Variants in KDM4C observed in about 807,000 individuals in gnomAD.
KDM4C encodes the protein lysine-specific demethylase 4C.
KDM4C carries 81 observed loss-of-function variants against 129.3 expected under a neutral mutation model. The observed-to-expected ratio is 0.63, with a 90% CI of 0.52 to 0.75. The LOEUF is 0.75. Ranked by LOEUF, KDM4C falls within the 30% of genes least tolerant of loss-of-function variation. The pLI is 0.00. For synonymous variants in KDM4C, 573 were observed against 456.1 expected, an observed-to-expected ratio of 1.26 and a Z score of -3.26; for missense variants, 1,457 against 1,304.0, an observed-to-expected ratio of 1.12 and a Z score of -1.81.
intron 17 of KDM4C, among the ~76,000 whole-genome samples, chr9:7,102,098 TTG>T (rs1185986387): frequency 6.6e-6 from 1 of 152,156 alleles, no homozygotes; most frequent in Non-Finnish European, 1.5e-5. Flanking sequence ...TTCTGTGTAT[TTG>T]TGTGTGTATA....
chr9:6,881,827 G>C (rs1844501946), intron 6 of KDM4C, among the ~76,000 whole-genome samples: 1 of 152,176 alleles, frequency 6.6e-6, no homozygotes, highest in African/African-American at 2.4e-5. Context: ...CTGATGACCA[G>C]ATGCCAGCCA....
intron 8 of KDM4C, among the ~76,000 whole-genome samples, chr9:6,926,557 T>C (rs1368382289): frequency 6.6e-6 from 1 of 152,218 alleles, no homozygotes; most frequent in Non-Finnish European, 1.5e-5. Flanking sequence ...TCAGTGAGAA[T>C]CCGCTCTTTC....
chr9:6,736,525 C>T (rs1290070365), intron 1 of KDM4C, among the ~76,000 whole-genome samples: 1 of 152,120 alleles, frequency 6.6e-6, no homozygotes, highest in Non-Finnish European at 1.5e-5. Context: ...ACAGCTCAGG[C>T]TGTTCCTTCA....
chr9:6,891,413 A>G (rs573593353), intron 7 of KDM4C, among the ~76,000 whole-genome samples: 8 of 152,350 alleles, frequency 5.3e-5, no homozygotes, highest in African/African-American at 1.9e-4. Flanking sequence ...GTAACAAAAG[A>G]TCATACTTTA....
intron 5 of KDM4C, among the ~76,000 whole-genome samples, chr9:6,862,346 T>C (rs544847791): frequency 6.6e-6 from 1 of 152,234 alleles, no homozygotes; most frequent in Non-Finnish European, 1.5e-5. Context: ...TTTGACCATT[T>C]ACTGTTTATT....
At chr9:6,882,855 A>G (rs1844685911) in intron 6 of KDM4C, among the ~76,000 whole-genome samples, 1 of 151,064 alleles carries the variant, frequency 6.6e-6, no homozygotes. Flanking sequence ...ATGGCTAGTA[A>G]TCTTGATTTT....
intron 4 of KDM4C, among the ~76,000 whole-genome samples, chr9:6,846,127 C>G (rs1159475623): frequency 6.6e-6 from 1 of 152,150 alleles, no homozygotes; most frequent in Admixed American, 6.6e-5. Context: ...GCTCCTGAAC[C>G]TCAGATCTTT....
intron 8 of KDM4C, 113 bp downstream of exon 8, chr9:6,893,345 G>A: frequency 1.3e-6 from 1 of 746,818 alleles, no homozygotes; most frequent in Non-Finnish European, 2.1e-6. Flanking sequence ...GGCGCCATGT[G>A]CCTCTCACCA....
intron 1 of KDM4C, among the ~76,000 whole-genome samples, chr9:6,722,935 A>C (rs1164914605): frequency 6.6e-6 from 1 of 151,908 alleles, no homozygotes; most frequent in East Asian, 1.9e-4. Flanking sequence ...GTGAGTCGAA[A>C]TCGCACGACT....
intron 8 of KDM4C, among the ~76,000 whole-genome samples, chr9:6,919,952 G>A (rs1381853049): frequency 6.6e-6 from 1 of 152,136 alleles, no homozygotes; most frequent in African/African-American, 2.4e-5. Context: ...TTTTGTCAAA[G>A]TCAGTGGTCA....
chr9:7,049,038 A>G, intron 16 of KDM4C, 54 bp from the exon 17 acceptor site: 1 of 1,156,930 alleles, frequency 8.6e-7, no homozygotes, highest in Non-Finnish European at 1.3e-6. Context: ...CACCAAGTTG[A>G]AGTATGTAAG....
intron 19 of KDM4C, among the ~76,000 whole-genome samples, chr9:7,155,314 T>C (rs1241532072): frequency 6.6e-6 from 1 of 152,232 alleles, no homozygotes; most frequent in African/African-American, 2.4e-5. Flanking sequence ...CCTTCATTTT[T>C]AGACCTTTTG....
At chr9:7,084,223 A>G (rs1478644825) in intron 17 of KDM4C, among the ~76,000 whole-genome samples, 1 of 152,202 alleles carries the variant, frequency 6.6e-6, no homozygotes, top group Non-Finnish European at 1.5e-5. Context: ...CGGAGCCACT[A>G]CATGGTGCCA....
At chr9:6,781,213 G>A (rs1019879330) in intron 1 of KDM4C, among the ~76,000 whole-genome samples, 5 of 152,094 alleles carry the variant, frequency 3.3e-5, no homozygotes, top group African/African-American at 4.8e-5. Context: ...CAAGGGCCAA[G>A]GTATAGTTGA....
chr9:7,048,486 C>T (rs1829720007), intron 16 of KDM4C, among the ~76,000 whole-genome samples: 1 of 151,976 alleles, frequency 6.6e-6, no homozygotes, highest in African/African-American at 2.4e-5. Context: ...GGAAAGTTGT[C>T]ATTTTTCAGA....
At chr9:7,047,229 T>C (rs566619949) in intron 16 of KDM4C, among the ~76,000 whole-genome samples, 2 of 152,228 alleles carry the variant, frequency 1.3e-5, no homozygotes, top group East Asian at 1.9e-4. Flanking sequence ...TCCTGGTGTT[T>C]AATATGATGA....
chr9:7,172,215 C>T (rs76933558), intron 21 of KDM4C, among the ~76,000 whole-genome samples: 4,104 of 152,238 alleles, frequency 0.027, 84 homozygotes, highest in South Asian at 0.092. Flanking sequence ...ATTTTAATGA[C>T]TTCGGCTCAC....
chr9:6,992,965 C>T (rs1819023581), intron 12 of KDM4C, among the ~76,000 whole-genome samples: 1 of 152,200 alleles, frequency 6.6e-6, no homozygotes, highest in Non-Finnish European at 1.5e-5. Context: ...ATGCCACTGG[C>T]AGCTGAGAGA....
intron 1 of KDM4C, among the ~76,000 whole-genome samples, chr9:6,769,448 C>T (rs559087161): frequency 5.9e-5 from 9 of 152,180 alleles, no homozygotes; most frequent in African/African-American, 1.9e-4. Flanking sequence ...CAGTTCATTG[C>T]ACCTATTTGC....
Sources: gnomAD v4.1 joint callset for allele counts (sites outside exome capture counted in the v4.1 genomes callset) on GRCh38, gnomAD v4.1.1 for gene constraint, MANE v1.5 for transcripts, NCBI Gene and HGNC (gene_info 2026-07-23, HGNC 2026-07-21) for gene names.